AKAP7: variants seen among roughly 807,000 people sequenced by gnomAD.
AKAP7 encodes A-kinase anchoring protein 7.
AKAP7 carries 39 observed loss-of-function variants against 39.5 expected under a neutral mutation model. The observed-to-expected ratio is 0.99, with a 90% CI of 0.76 to 1.29. The LOEUF (loss-of-function observed/expected upper bound fraction) is 1.29. Among genes scored for constraint, AKAP7 ranks in the 50% most tolerant of loss-of-function variants. The pLI, the probability that AKAP7 is intolerant of heterozygous loss-of-function variation, is 0.00. For synonymous variants in AKAP7, 140 were observed against 139.1 expected (o/e 1.01, Z -0.05); for missense variants, 414 against 407.7 (o/e 1.02, Z -0.13).
chr6:131,142,705 G>A lies in AKAP7; in HGVS notation c.20-2580G>A, dbSNP rs887601451. Among the ~76,000 whole-genome samples, 48 of 152,358 alleles carry A rather than the reference G, an allele frequency of 3.2e-4. 1 individual carries two copies. The highest frequency in any genetic ancestry group is 3.4e-3 in the Middle Eastern group (1 of 294). ...CACTGCCTAGTGGAGCTGTGGGAAG[G>A]GGGCTGCCACCTTCCAGACCCAAGA... On this transcript the variant is annotated intron_variant, in intron 1 of 7. Coordinates refer to ENST00000431975, the MANE Select transcript of AKAP7 (RefSeq NM_016377.4).
intron 7 of AKAP7, among the ~76,000 whole-genome samples, chr6:131,239,008 G>A (rs1026924149): frequency 6.6e-6 from 1 of 152,134 alleles, no homozygotes; most frequent in African/African-American, 2.4e-5. Flanking sequence ...AGCCTTGATG[G>A]TCTTTACAAT....
At chr6:131,198,096 G>A (rs62422459) in intron 5 of AKAP7, among the ~76,000 whole-genome samples, 1,862 of 152,244 alleles carry the variant, frequency 0.012, 20 homozygotes, top group Admixed American at 0.038. Flanking sequence ...GCCACGAGGG[G>A]TTTTAGACCC....
chr6:131,252,988 G>A, intron 7 of AKAP7: 1 of 1,590,138 alleles, frequency 6.3e-7, no homozygotes, highest in Non-Finnish European at 8.6e-7. Flanking sequence ...AGAATTTGAT[G>A]AGTTTTTGGT....
intron 6 of AKAP7, among the ~76,000 whole-genome samples, chr6:131,213,147 A>C (rs1562218295): frequency 6.6e-6 from 1 of 152,208 alleles, no homozygotes; most frequent in Non-Finnish European, 1.5e-5. Context: ...AATATGTTGC[A>C]ATACATAGGC....
intron 5 of AKAP7, among the ~76,000 whole-genome samples, chr6:131,183,121 A>T (rs548025441): frequency 1.3e-5 from 2 of 152,280 alleles, no homozygotes; most frequent in South Asian, 4.1e-4. Context: ...ATGTTTACTG[A>T]TGTTTAGAAT....
chr6:131,162,133 TTAC>T (rs1803031528), intron 3 of AKAP7, among the ~76,000 whole-genome samples: 1 of 152,146 alleles, frequency 6.6e-6, no homozygotes, highest in Non-Finnish European at 1.5e-5. Flanking sequence ...TTATGGCTTC[TTAC>T]CCCTTCCGGA....
chr6:131,126,437 A>G, the AKAP7 span, among the ~76,000 whole-genome samples: 2 of 152,216 alleles, frequency 1.3e-5, no homozygotes, highest in African/African-American at 2.4e-5. Flanking sequence ...GTATTATTAG[A>G]TTTATGAGCA....
chr6:131,264,922 G>A (rs1428107934), intron 7 of AKAP7, among the ~76,000 whole-genome samples: 1 of 152,038 alleles, frequency 6.6e-6, no homozygotes, highest in Non-Finnish European at 1.5e-5. Flanking sequence ...TGAACTTAGG[G>A]TGAGAACTCA....
chr6:131,214,448 A>G (rs1808958226), intron 6 of AKAP7, among the ~76,000 whole-genome samples: 1 of 152,260 alleles, frequency 6.6e-6, no homozygotes, highest in Admixed American at 6.5e-5. Context: ...TAGACGCTTT[A>G]GCATAAAACA....
chr6:131,242,671 C>T (rs2128314047), intron 7 of AKAP7, among the ~76,000 whole-genome samples: 1 of 152,124 alleles, frequency 6.6e-6, no homozygotes, highest in East Asian at 1.9e-4. Flanking sequence ...ATAAAGTGGG[C>T]CTCAGGCCAC....
chr6:131,282,536 T>C lies in AKAP7; in HGVS notation c.*810T>C. Reference sequence around the variant, plus strand: ...TCAGGCCAGAATTAGGAGGGAGCTTTTTGAAGGAAGACTTATTAACAACAG... The same window carrying C: ...TCAGGCCAGAATTAGGAGGGAGCTTCTTGAAGGAAGACTTATTAACAACAG... On this transcript the variant is annotated 3_prime_UTR_variant, in exon 8 of 8. Transcript: ENST00000431975. The C allele has an allele frequency of 6.5e-7, 1 of 1,535,898 alleles. No individual in the cohort carries two copies. The highest frequency in any genetic ancestry group is 8.7e-7 in the Non-Finnish European group (1 of 1,146,804).
chr6:131,272,664 T>G (rs1313656359), intron 7 of AKAP7, among the ~76,000 whole-genome samples: 1 of 152,218 alleles, frequency 6.6e-6, no homozygotes, highest in African/African-American at 2.4e-5. Flanking sequence ...ATTCTCAGGG[T>G]ATCTTTCTGT....
intron 4 of AKAP7, among the ~76,000 whole-genome samples, chr6:131,166,458 A>G (rs1276924388): frequency 6.6e-6 from 1 of 152,224 alleles, no homozygotes; most frequent in Non-Finnish European, 1.5e-5. Flanking sequence ...CTGTGTAGAC[A>G]TGTATATCTT....
At chr6:131,240,608 G>A (rs909819378) in intron 7 of AKAP7, among the ~76,000 whole-genome samples, 4 of 152,204 alleles carry the variant, frequency 2.6e-5, no homozygotes, top group Non-Finnish European at 5.9e-5. Flanking sequence ...GGGCAATGGC[G>A]GGTGCCCCTT....
intron 5 of AKAP7, chr6:131,185,236 G>T: frequency 2.1e-6 from 1 of 470,648 alleles, no homozygotes; most frequent in South Asian, 1.9e-5. Flanking sequence ...TCACAGGGGT[G>T]GGCTCACCGC....
At chr6:131,235,802 G>C (rs1202680412) in intron 7 of AKAP7, among the ~76,000 whole-genome samples, 1 of 152,146 alleles carries the variant, frequency 6.6e-6, no homozygotes, top group East Asian at 1.9e-4. Flanking sequence ...ATAGATTCTG[G>C]ATATTAGCCC....
the AKAP7 span, among the ~76,000 whole-genome samples, chr6:131,128,909 A>G: frequency 6.6e-6 from 1 of 152,158 alleles, no homozygotes; most frequent in African/African-American, 2.4e-5. Flanking sequence ...TAACACAGAA[A>G]AACTGAGATG....
At chr6:131,153,390 AACT>A (rs1802118745) in intron 2 of AKAP7, among the ~76,000 whole-genome samples, 1 of 152,208 alleles carries the variant, frequency 6.6e-6, no homozygotes, top group South Asian at 2.1e-4. Flanking sequence ...AATTATAGAA[AACT>A]AAATAAATTT....
chr6:131,130,851 G>C (rs1053116559), upstream of AKAP7, among the ~76,000 whole-genome samples: 3 of 152,116 alleles, frequency 2.0e-5, no homozygotes, highest in African/African-American at 4.8e-5. Context: ...CTGGCGTCTT[G>C]GCATGAGTTG....
Sources: gnomAD v4.1 joint callset for allele counts (sites outside exome capture counted in the v4.1 genomes callset) on GRCh38, gnomAD v4.1.1 for gene constraint, MANE v1.5 for transcripts, NCBI Gene and HGNC (gene_info 2026-07-23, HGNC 2026-07-21) for gene names.